Variants in SNRNP200 observed in about 807,000 individuals in gnomAD.
SNRNP200 encodes the protein small nuclear ribonucleoprotein U5 subunit 200.
Under a neutral mutation model 255.2 loss-of-function variants are expected in SNRNP200, and 66 were observed. That is an observed-to-expected ratio of 0.26 (90% CI 0.21 to 0.32). SNRNP200 has a LOEUF of 0.32. Ranked by LOEUF, SNRNP200 falls within the 10% of genes least tolerant of loss-of-function variation. The pLI, the probability that SNRNP200 is intolerant of heterozygous loss-of-function variation, is 1.00. For synonymous variants in SNRNP200, 939 were observed against 1,027.8 expected (o/e 0.91, Z 1.65); for missense variants, 1,585 against 2,749.8 (o/e 0.58, Z 9.47).
In SNRNP200 at chr2:96,280,997, T is replaced by TGAGTGGCTTGAATAACAGGC. The variant is rs1248844569; in HGVS notation, c.5024+797_5024+816dup. Among the ~76,000 whole-genome samples the TGAGTGGCTTGAATAACAGGC allele has an allele frequency of 2.2e-4, 33 of 150,704 alleles. 1 individual carries two copies. In the Admixed American group the frequency reaches 2.2e-3, roughly 10 times the overall value. On this transcript the variant is annotated intron_variant, in intron 35 of 44. Coordinates refer to ENST00000323853, the MANE Select transcript of SNRNP200 (RefSeq NM_014014.5). ...CCTCCCAAGTGGCTTGAATTACAGG[T>TGAGTGGCTTGAATAACAGGC]GAGTGGCTTGAATAACAGGCACCTG...
chr2:96,300,884 C>T (rs2063948357), intron 5 of SNRNP200, 114 bp downstream of exon 5: 2 of 902,854 alleles, frequency 2.2e-6, no homozygotes, highest in African/African-American at 1.6e-5. Context: ...GAAACCCATA[C>T]AACACCATAA....
At chr2:96,299,023 T>C in intron 6 of SNRNP200, 56 bp from the exon 7 acceptor site, 1 of 1,607,690 alleles carries the variant, frequency 6.2e-7, no homozygotes. Context: ...TCGATCACTT[T>C]GCCACCACCC....
Position 96,274,929 on chromosome 2 carries a change from T to G in SNRNP200, c.*83A>C. 6.5e-7 allele frequency: 1 copy of G among 1,544,180 alleles called. No homozygotes were observed. Among genetic ancestry groups the G allele is most frequent in the South Asian group, 1.1e-5 (1 of 89,216 alleles). ...CCAGACCTGAGGCCCACAGACCTGG[T>G]CCCCACAACCAGGATTCCTACAATG... On this transcript the variant is annotated 3_prime_UTR_variant, in exon 45 of 45. Coordinates refer to ENST00000323853, the MANE Select transcript of SNRNP200 (RefSeq NM_014014.5).
At position 96,277,859 on chromosome 2, in the gene SNRNP200, C is replaced by A; in HGVS notation, c.5702G>T (p.Arg1901Leu). The change falls in exon 40 of 45, where the codon CGC (arginine) becomes CTC (leucine). Residue 1901 changes from arginine (R) to leucine (L), a missense_variant. Physicochemically the swap from Arg to Leu is moderately radical, Grantham distance 102. Around this residue, in one of 9 missense-constraint regions of SNRNP200, gnomAD observed 279 missense variants for 551.2 expected, o/e 0.51. Transcript: ENST00000323853. The surrounding 1 kb of genome is among the most constrained non-coding windows in gnomAD (Gnocchi z 4.4). ...TNLLLQAHLS[R>L]MQLSAELQSD... The stretch of plus-strand genomic sequence containing the variant: ...CTGCAACTCAGCACTCAGCTGCATG[C>A]GAGACAAGTGAGCCTGCAGGAGCAG... 1 of 1,614,236 alleles carries A rather than the reference C, an allele frequency of 6.2e-7. No homozygotes were observed. The highest frequency in any genetic ancestry group is 8.5e-7 in the Non-Finnish European group (1 of 1,180,040).
In SNRNP200 at chr2:96,298,033, A is replaced by AC. The variant is rs144464029; in HGVS notation, c.1119+250dup. Among the ~76,000 whole-genome samples the AC allele has an allele frequency of 2.5e-3, 377 of 152,358 alleles. 2 individuals carry two copies. Among genetic ancestry groups the AC allele is most frequent in the African/African-American group, 8.5e-3 (354 of 41,576 alleles). On this transcript the variant is annotated intron_variant, in intron 9 of 44. Coordinates refer to ENST00000323853, the MANE Select transcript of SNRNP200 (RefSeq NM_014014.5). ...GTTCTGTTACTCTATTTTAGTAAAC[A>AC]CCATGGATTTACTGTGTAAATAAAC...
chr2:96,300,980 G>T lies in SNRNP200; in HGVS notation c.630+18C>A. 6.2e-7 allele frequency: 1 copy of T among 1,608,208 alleles called. No individual in the cohort carries two copies. The highest frequency in any genetic ancestry group is 8.5e-7 in the Non-Finnish European group (1 of 1,174,862). On this transcript the variant is annotated intron_variant, in intron 5 of 44. Coordinates refer to ENST00000323853, the MANE Select transcript of SNRNP200 (RefSeq NM_014014.5). ...CAACGTCAAAAACAAGAATGGACTG[G>T]GTATGTTTATCACTCACCTCCTCAT...
In SNRNP200 at chr2:96,283,010, G is replaced by A. The variant is rs768979974; in HGVS notation, c.4915+191C>T. ...GCCTGTTTTCTCACCTGGCAAGTAG[G>A]GATAGTGTTTGTCTCACCTGCCTCA... On this transcript the variant is annotated intron_variant, in intron 34 of 44. Transcript: ENST00000323853. The surrounding 1 kb of genome is among the most constrained non-coding windows in gnomAD (Gnocchi z 4.7). 1 of 704,950 alleles carries A rather than the reference G, an allele frequency of 1.4e-6. No homozygotes were observed. Among genetic ancestry groups the A allele is most frequent in the Admixed American group, 2.1e-5 (1 of 46,876 alleles). 43.7% of individuals were successfully genotyped at this position (704,950 alleles called of 1,614,324 possible).
At position 96,296,644 on chromosome 2, in the gene SNRNP200, A is replaced by C; in HGVS notation, c.1563T>G (p.Ile521Met). 6.2e-7 allele frequency: 1 copy of C among 1,613,966 alleles called. No homozygotes were observed. Among genetic ancestry groups the C allele is most frequent in the Non-Finnish European group, 8.5e-7 (1 of 1,180,000 alleles). The change falls in exon 13 of 45, where the codon ATT becomes ATG. Residue 521 changes from isoleucine to methionine, a missense_variant. Transcript: ENST00000323853. ...NVALMCMLRE[I>M]GKHINMDGTI... Reference sequence around the variant, plus strand: ...TGCCGTCCATGTTTATGTGTTTCCCAATCTCTCGGAGCATGCACATCAGGG... The same window carrying C: ...TGCCGTCCATGTTTATGTGTTTCCCCATCTCTCGGAGCATGCACATCAGGG...
intron 35 of SNRNP200, among the ~76,000 whole-genome samples, chr2:96,280,581 G>A (rs145251328): frequency 0.012 from 1,816 of 151,566 alleles, 29 homozygotes; most frequent in African/African-American, 0.042. Flanking sequence ...ATGGAGTCTC[G>A]CTCTGTTGCT....
Position 96,287,729 on chromosome 2 carries a change from A to G in SNRNP200, c.3365+134T>C, listed in dbSNP as rs1573994199. 4.3e-6 allele frequency: 4 copies of G among 934,280 alleles called. No individual in the cohort carries two copies. The highest frequency in any genetic ancestry group is 1.7e-5 in the Admixed American group (1 of 57,530). The allele number at this position is 934,280 out of a possible 1,614,324, so 57.9% of individuals were successfully genotyped here. A position where few individuals can be genotyped will look rare whatever the true frequency, so the allele number is the denominator to read the frequency against. On this transcript the variant is annotated intron_variant, in intron 25 of 44. Coordinates refer to ENST00000323853, the MANE Select transcript of SNRNP200 (RefSeq NM_014014.5). The surrounding 1 kb of genome is among the most constrained non-coding windows in gnomAD (Gnocchi z 5.7). Reference sequence around the variant, plus strand: ...CCACAGAGGGCCTTCCCTCTTCTCAATGTGCACCAAGGTTCAGGTCATACT... The same window carrying G: ...CCACAGAGGGCCTTCCCTCTTCTCAGTGTGCACCAAGGTTCAGGTCATACT...
intron 14 of SNRNP200, among the ~76,000 whole-genome samples, chr2:96,294,978 A>C (rs929182157): frequency 6.6e-6 from 1 of 152,202 alleles, no homozygotes; most frequent in Non-Finnish European, 1.5e-5. Context: ...TGGGAGGCTG[A>C]GGTGGGTAGA....
rs756286217 is a variant in SNRNP200, at chr2:96,286,781, C to A, written c.3736G>T (p.Ala1246Ser). The A allele has an allele frequency of 1.9e-6, 3 of 1,614,174 alleles. No individual in the cohort carries two copies. The highest frequency in any genetic ancestry group is 2.2e-5 in the South Asian group (2 of 91,084). Residue 1246 changes from alanine (A) to serine (S), a missense_variant, in exon 28 of 45, where the codon GCC becomes TCC. Ala to Ser is a moderately conservative substitution (Grantham distance 99, BLOSUM62 1). This residue lies in a region of SNRNP200 where 719 missense variants were observed against 1,091.1 expected (regional missense o/e 0.66). Coordinates refer to ENST00000323853, the MANE Select transcript of SNRNP200 (RefSeq NM_014014.5). This position sits in a 1 kb window ranked among gnomAD's most constrained non-coding sequence, Gnocchi z 4.8. ...AATGTAATGAGGTGCTCGTCCTGGG[C>A]GTACTTGGCCTTGAGGAGAAAATAC... ...HEYFLLKAKYAQDEHLITFFV... is the reference protein window; with the variant it reads ...HEYFLLKAKYSQDEHLITFFV...
At chr2:96,299,099 C>G (rs892414922) in intron 6 of SNRNP200, 132 bp from the exon 7 acceptor site, 53 of 1,216,286 alleles carry the variant, frequency 4.4e-5, no homozygotes, top group Non-Finnish European at 5.7e-5. Flanking sequence ...GAGGAAAAAA[C>G]TCTGGAATAT....
In SNRNP200 at chr2:96,299,447, TC is replaced by T. The variant is rs748567136; in HGVS notation, c.631-21del. 19 of 1,585,102 alleles carry T rather than the reference TC, an allele frequency of 1.2e-5. No individual in the cohort carries two copies. Among genetic ancestry groups the T allele is most frequent in the Non-Finnish European group, 1.6e-5 (19 of 1,153,988 alleles). On this transcript the variant is annotated intron_variant, in intron 5 of 44. Coordinates refer to ENST00000323853, the MANE Select transcript of SNRNP200 (RefSeq NM_014014.5). Reference sequence around the variant, plus strand: ...ACCTTCCTGTGGAAATGACCCCAACTCAACCATGATCTGGAGCTGATCCTGC... The same window carrying T: ...ACCTTCCTGTGGAAATGACCCCAACTAACCATGATCTGGAGCTGATCCTGC...
At chr2:96,280,848 CTTTTTTTTTT>C (rs985439781) in intron 35 of SNRNP200, among the ~76,000 whole-genome samples, 1 of 114,856 alleles carries the variant, frequency 8.7e-6, no homozygotes, top group Admixed American at 9.0e-5. Context: ...ACACCTGGCC[CTTTTTTTTTT>C]TTTTTTTTTT....
At chr2:96,281,548 G>C in intron 35 of SNRNP200, 2 of 446,194 alleles carry the variant, frequency 4.5e-6, no homozygotes, top group South Asian at 4.0e-5. Context: ...AGATGTCTGA[G>C]ATTAATGACG....
chr2:96,290,291 G>A lies in SNRNP200; in HGVS notation c.2742+35C>T, dbSNP rs1490058777. 12 of 1,610,446 alleles carry A rather than the reference G, an allele frequency of 7.5e-6. No homozygotes were observed. Among genetic ancestry groups the A allele is most frequent in the Non-Finnish European group, 1.0e-5 (12 of 1,177,816 alleles). ...CTCCTGGTGCCTTGGTGTCTGCGGG[G>A]AAAGCATGAAGCACAACAAGCAGTC... On this transcript the variant is annotated intron_variant, in intron 20 of 44. Transcript: ENST00000323853. The surrounding 1 kb of genome is among the most constrained non-coding windows in gnomAD (Gnocchi z 4.5).
At chr2:96,298,020 T>C (rs1265913371) in intron 9 of SNRNP200, among the ~76,000 whole-genome samples, 1 of 152,248 alleles carries the variant, frequency 6.6e-6, no homozygotes, top group East Asian at 1.9e-4. Flanking sequence ...TCTGTTACTC[T>C]ATTTTAGTAA....
In SNRNP200 at chr2:96,293,036, T is replaced by C. The variant is rs2063893597; in HGVS notation, c.2096A>G (p.Lys699Arg). The part of the protein sequence containing the change: ...YVGITEKKAI[K>R]RFQIMNEIVY... ...GATTTCATTCATGATCTGGAAACGC[T>C]TGATAGCTTTTTTCTCTGTGATACC... Residue 699 changes from lysine (K) to arginine (R), a missense_variant, in exon 16 of 45, where the codon AAG (lysine) becomes AGG (arginine). Coordinates refer to ENST00000323853, the MANE Select transcript of SNRNP200 (RefSeq NM_014014.5). The C allele has an allele frequency of 6.2e-7, 1 of 1,614,210 alleles. No individual in the cohort carries two copies. The highest frequency in any genetic ancestry group is 8.5e-7 in the Non-Finnish European group (1 of 1,180,004).
Sources: gnomAD v4.1 joint callset for allele counts (sites outside exome capture counted in the v4.1 genomes callset) on GRCh38, gnomAD v4.1.1 for gene constraint, gnomAD v4.1.1 regional missense constraint, Gnocchi (gnomAD v3.1) non-coding constraint, MANE v1.5 for transcripts, NCBI Gene and HGNC (gene_info 2026-07-23, HGNC 2026-07-21) for gene names.